The following TRHDE variants were observed in gnomAD, a reference collection of about 807,000 sequenced individuals.
The protein encoded by TRHDE is thyrotropin-releasing hormone-degrading ectoenzyme.
TRHDE carries 72 observed loss-of-function variants against 125.7 expected under a neutral mutation model. The ratio of observed to expected loss-of-function variants is 0.57; its 90% CI spans 0.47 to 0.70. The LOEUF is 0.70. TRHDE is among the 30% of genes least tolerant of loss of function. The pLI, the probability that TRHDE is intolerant of heterozygous loss-of-function variation, is 0.00. For missense variants in TRHDE, 1,110 were observed against 1,327.1 expected (o/e 0.84, Z 2.54); for synonymous variants, 509 against 509.1 (o/e 1.00, Z 0.00).
chr12:72,238,339 TTATATATATATATATATATATATAC>T, intron 2 of TRHDE, among the ~76,000 whole-genome samples: 1 of 21,164 alleles, frequency 4.7e-5, no homozygotes, highest in Non-Finnish European at 1.1e-4. Context: ...TATATACACA[TTATATATATATATATATATATATAC>T]ACATACATAT....
chr12:72,653,621 ATT>A (rs201846290), intron 17 of TRHDE, among the ~76,000 whole-genome samples: 2,190 of 152,246 alleles, frequency 0.014, 27 homozygotes, highest in Non-Finnish European at 0.025. Context: ...AATATTAATC[ATT>A]TGAATCATTG....
chr12:72,100,225 G>C (rs1366811170), intron 1 of TRHDE, among the ~76,000 whole-genome samples: 1 of 152,136 alleles, frequency 6.6e-6, no homozygotes, highest in African/African-American at 2.4e-5. Flanking sequence ...AAATAATACT[G>C]TGTAAGGCTT....
rs532891236 is a variant in TRHDE, at chr12:72,374,051, T to C, written c.1189-3944T>C. Among the ~76,000 whole-genome samples the C allele has an allele frequency of 2.6e-5, 4 of 152,144 alleles. No individual in the cohort carries two copies. In the East Asian group the frequency reaches 7.7e-4, roughly 29 times the overall value. On this transcript the variant is annotated intron_variant, in intron 2 of 18. Coordinates refer to ENST00000261180, the MANE Select transcript of TRHDE (RefSeq NM_013381.3). The stretch of plus-strand genomic sequence containing the variant: ...AGGCATCAGTAGGAAAATAAAGCAG[T>C]CATTCAGGCAAGAAATGGAGAAGGC...
intron 1 of TRHDE, among the ~76,000 whole-genome samples, chr12:72,275,166 T>C (rs1879437282): frequency 6.6e-6 from 1 of 152,228 alleles, no homozygotes; most frequent in Non-Finnish European, 1.5e-5. Context: ...AGTTAGGACT[T>C]GAACTTTGGT....
At chr12:72,337,436 AAAGGG>A (rs1221383469) in intron 2 of TRHDE, among the ~76,000 whole-genome samples, 1 of 152,180 alleles carries the variant, frequency 6.6e-6, no homozygotes, top group Non-Finnish European at 1.5e-5. Context: ...AGGAAGAAAC[AAAGGG>A]AGAAGTAAAT....
intron 3 of TRHDE, among the ~76,000 whole-genome samples, chr12:72,433,742 T>C (rs1407368434): frequency 6.9e-6 from 1 of 143,904 alleles, no homozygotes; most frequent in African/African-American, 2.7e-5. Context: ...ATATGACAAA[T>C]AAACTTTTTT....
At chr12:72,538,478 A>G (rs1868979765) in intron 6 of TRHDE, among the ~76,000 whole-genome samples, 1 of 152,040 alleles carries the variant, frequency 6.6e-6, no homozygotes. Context: ...CAGAATAAAC[A>G]AATAGAAAAC....
At chr12:72,620,575 T>G (rs1873012604) in intron 13 of TRHDE, among the ~76,000 whole-genome samples, 1 of 152,046 alleles carries the variant, frequency 6.6e-6, no homozygotes, top group Admixed American at 6.6e-5. Flanking sequence ...ATACTGACAC[T>G]TAAATGTGTC....
intron 2 of TRHDE, among the ~76,000 whole-genome samples, chr12:72,242,303 AT>A (rs1878498030): frequency 1.3e-5 from 2 of 152,032 alleles, no homozygotes; most frequent in South Asian, 4.1e-4. Context: ...AGTTCCCTGC[AT>A]TCCCTTTTTG....
intron 2 of TRHDE, among the ~76,000 whole-genome samples, chr12:72,364,106 T>C (rs1185423279): frequency 2.6e-5 from 4 of 152,020 alleles, no homozygotes; most frequent in African/African-American, 4.8e-5. Context: ...AAACCACTGC[T>C]CAATGAAATA....
chr12:72,201,667 G>T (rs574633142), intron 2 of TRHDE, among the ~76,000 whole-genome samples: 8 of 151,990 alleles, frequency 5.3e-5, no homozygotes, highest in Non-Finnish European at 1.0e-4. Flanking sequence ...TGGGAGGTGA[G>T]TGAAGCATGC....
intron 5 of TRHDE, among the ~76,000 whole-genome samples, chr12:72,481,300 G>A (rs948554896): frequency 6.9e-6 from 1 of 144,294 alleles, no homozygotes; most frequent in Non-Finnish European, 1.5e-5. Context: ...AGAAATGAAA[G>A]TAGTGAGTTC....
At chr12:72,644,167 T>C (rs1266441217) in intron 15 of TRHDE, among the ~76,000 whole-genome samples, 1 of 152,168 alleles carries the variant, frequency 6.6e-6, no homozygotes, top group Non-Finnish European at 1.5e-5. Context: ...TTAGTGAGTG[T>C]AAAACCACTC....
At chr12:72,153,118 G>A (rs562358053) in intron 2 of TRHDE, among the ~76,000 whole-genome samples, 14 of 152,126 alleles carry the variant, frequency 9.2e-5, no homozygotes, top group Non-Finnish European at 1.6e-4. Context: ...TCCTGGTTTA[G>A]TCTTGGGAGG....
chr12:72,368,973 C>A (rs1871455368), intron 2 of TRHDE, among the ~76,000 whole-genome samples: 1 of 152,120 alleles, frequency 6.6e-6, no homozygotes, highest in African/African-American at 2.4e-5. Context: ...TTCTTCCCAG[C>A]ATGTCCTGTA....
intron 3 of TRHDE, among the ~76,000 whole-genome samples, chr12:72,417,073 TC>T (rs1453687006): frequency 2.0e-5 from 3 of 152,100 alleles, no homozygotes; most frequent in Admixed American, 6.6e-5. Context: ...ATTGTAGAGA[TC>T]TTTTGTTTCT....
At chr12:72,167,244 T>A (rs1041672063) in intron 2 of TRHDE, among the ~76,000 whole-genome samples, 2 of 152,140 alleles carry the variant, frequency 1.3e-5, no homozygotes, top group Non-Finnish European at 2.9e-5. Context: ...GATTTCTCTA[T>A]GAGTTTAAGT....
intron 15 of TRHDE, among the ~76,000 whole-genome samples, chr12:72,639,912 C>T (rs1873965017): frequency 6.6e-6 from 1 of 152,070 alleles, no homozygotes; most frequent in African/African-American, 2.4e-5. Flanking sequence ...TCAAAGCTGT[C>T]AGACAGGGAC....
In TRHDE at chr12:72,621,658, A is replaced by T. The variant is rs1372097305; in HGVS notation, c.2582A>T (p.Glu861Val). ...ATGATATCTAGAGAACTACGTAGAG[A>T]AGTTATAATGCTGGCCTGCAGTTTT... is the stretch of plus-strand genomic sequence containing the variant. ...ASYQHEELRR[E>V]VIMLACSFGN... The change falls in exon 15 of 19, where the codon GAA (glutamate) becomes GTA (valine). Residue 861 changes from glutamate to valine, a missense_variant. Transcript: ENST00000261180. 6.2e-7 allele frequency: 1 copy of T among 1,606,348 alleles called. No homozygotes were observed.
Sources: gnomAD v4.1 joint callset for allele counts (sites outside exome capture counted in the v4.1 genomes callset) on GRCh38, gnomAD v4.1.1 for gene constraint, MANE v1.5 for transcripts, NCBI Gene and HGNC (gene_info 2026-07-23, HGNC 2026-07-21) for gene names.